Variants in PPIP5K1 observed in about 807,000 individuals in gnomAD.
PPIP5K1 encodes diphosphoinositol pentakisphosphate kinase 1, also known as inositol hexakisphosphate and diphosphoinositol-pentakisphosphate kinase 1.
In PPIP5K1, 6 loss-of-function variants were observed where a neutral mutation model predicts 27.7. That is an observed-to-expected ratio of 0.22 (90% CI 0.12 to 0.43). PPIP5K1 has a LOEUF of 0.43. Ranked by LOEUF, PPIP5K1 falls within the 20% of genes least tolerant of loss-of-function variation. PPIP5K1 has a pLI of 1.00. For missense variants in PPIP5K1, 394 were observed against 635.4 expected, an observed-to-expected ratio of 0.62 and a Z score of 4.08; for synonymous variants, 145 against 242.6, an observed-to-expected ratio of 0.60 and a Z score of 3.74.
rs928091281 is a variant in PPIP5K1 at position 43,550,067 on chromosome 15, A to T, written c.3556+8728T>A. ...ATGATCCTCCCGCCTTAGCCTCTCA[A>T]AGTGCCAGGATTACAGGTACAAGCC... On this transcript the variant is annotated intron_variant, in intron 30 of 31. Transcript: ENST00000420765. Among the ~76,000 whole-genome samples the T allele has an allele frequency of 2.6e-5, 4 of 152,176 alleles. 1 individual carries two copies. The highest frequency in any genetic ancestry group is 9.6e-5 in the African/African-American group (4 of 41,456).
intron 30 of PPIP5K1, among the ~76,000 whole-genome samples, chr15:43,545,474 CTTT>C (rs56710390): frequency 4.2e-5 from 5 of 119,064 alleles, no homozygotes; most frequent in Non-Finnish European, 5.4e-5. Flanking sequence ...CTGTACACTT[CTTT>C]TTTTTTTTTT....
At position 43,558,833 on chromosome 15, in the gene PPIP5K1, C is replaced by T. The variant is rs747329824; in HGVS notation, c.3518G>A (p.Cys1173Tyr). 1.9e-6 allele frequency: 3 copies of T among 1,613,962 alleles called. No homozygotes were observed. The African/African-American group carries it at 4.0e-5, about 22-fold the overall frequency. The change falls in exon 30 of 32, where the codon TGC becomes TAC. Residue 1173 changes from cysteine to tyrosine, a missense_variant. Transcript: ENST00000420765. The stretch of plus-strand genomic sequence containing the variant: ...TGCCTGGGCATCAGTGTGGCGCTGG[C>T]AGACTCTACTCAAGAATTCACTCAC... ...RQVSEFLSRV[C>Y]QRHTDAQAQA...
At position 43,533,668 on chromosome 15, in the gene PPIP5K1, A is replaced by AGG. The variant is rs2079505799; in HGVS notation, c.*1005_*1006insCC. 1 of 152,518 alleles carries AGG rather than the reference A, an allele frequency of 6.6e-6. No homozygotes were observed. Among genetic ancestry groups the AGG allele is most frequent in the African/African-American group, 2.4e-5 (1 of 41,414 alleles). The allele number at this position is 152,518 out of a possible 1,614,324, so 9.4% of individuals were successfully genotyped here. On this transcript the variant is annotated 3_prime_UTR_variant, in exon 32 of 32. Coordinates refer to ENST00000420765, the MANE Select transcript of PPIP5K1 (RefSeq NM_001394395.1). ...ACCCTGCAGTGTTTGGTCTTTGGCCAGTCTGTCCCTGGCACAACTACAGAA... is the reference window on the plus strand; with the variant it reads ...ACCCTGCAGTGTTTGGTCTTTGGCCAGGGTCTGTCCCTGGCACAACTACAGAA...
At chr15:43,550,124 TG>T (rs2082008512) in intron 30 of PPIP5K1, among the ~76,000 whole-genome samples, 2 of 151,994 alleles carry the variant, frequency 1.3e-5, no homozygotes, top group African/African-American at 2.4e-5. Context: ...TTTTGTGAGT[TG>T]ATCTTTCTTT....
chr15:43,552,590 T>A (rs1303448639), intron 30 of PPIP5K1, among the ~76,000 whole-genome samples: 3 of 148,506 alleles, frequency 2.0e-5, no homozygotes, highest in Non-Finnish European at 4.5e-5. Flanking sequence ...TGTGGTGGTG[T>A]GTGCCTGTAG....
intron 30 of PPIP5K1, among the ~76,000 whole-genome samples, chr15:43,557,217 G>C (rs1258729357): frequency 6.6e-6 from 1 of 152,090 alleles, no homozygotes; most frequent in Admixed American, 6.5e-5. Flanking sequence ...AACCCAAGGG[G>C]GGGTGGATCA....
At chr15:43,559,069 G>A (rs1249976023) in intron 29 of PPIP5K1, 137 bp from the exon 30 acceptor site, 8 of 994,446 alleles carry the variant, frequency 8.0e-6, no homozygotes, top group South Asian at 3.1e-5. Context: ...AAGACTCTTA[G>A]GAGAGGGAAC....
chr15:43,586,706 GATAATA>G (rs139100270), intron 1 of PPIP5K1, among the ~76,000 whole-genome samples: 28 of 96,436 alleles, frequency 2.9e-4, no homozygotes, highest in East Asian at 6.2e-4. Flanking sequence ...AAATAATGAT[GATAATA>G]ATAATAATAA....
intron 30 of PPIP5K1, among the ~76,000 whole-genome samples, chr15:43,546,902 G>A (rs551180323): frequency 1.7e-4 from 26 of 151,424 alleles, no homozygotes; most frequent in Admixed American, 3.3e-4. Flanking sequence ...CAAGTGATCC[G>A]CCCACCTTGG....
At chr15:43,556,668 T>C (rs1325197034) in intron 30 of PPIP5K1, among the ~76,000 whole-genome samples, 2 of 152,142 alleles carry the variant, frequency 1.3e-5, no homozygotes, top group East Asian at 3.8e-4. Context: ...GCAAAACAAA[T>C]GTAGGCACTT....
chr15:43,550,318 AT>A (rs972290517), intron 30 of PPIP5K1, among the ~76,000 whole-genome samples: 3 of 151,152 alleles, frequency 2.0e-5, no homozygotes, highest in Admixed American at 6.6e-5. Flanking sequence ...TTATTTATTT[AT>A]TTTTTTTGTA....
At chr15:43,551,724 T>C (rs1375554663) in intron 30 of PPIP5K1, among the ~76,000 whole-genome samples, 1 of 141,560 alleles carries the variant, frequency 7.1e-6, no homozygotes, top group Non-Finnish European at 1.5e-5. Context: ...TGCCTCAGCC[T>C]CCCAAGTAGC....
chr15:43,556,592 C>T (rs2082989589), intron 30 of PPIP5K1, among the ~76,000 whole-genome samples: 1 of 151,754 alleles, frequency 6.6e-6, no homozygotes, highest in Non-Finnish European at 1.5e-5. Flanking sequence ...GTTCATTTGC[C>T]TTACAATGTT....
At chr15:43,580,648 G>T (rs2084942212) in intron 10 of PPIP5K1, among the ~76,000 whole-genome samples, 1 of 107,478 alleles carries the variant, frequency 9.3e-6, no homozygotes, top group Non-Finnish European at 1.7e-5. Context: ...AGGCTGGAGT[G>T]CAATGGCACT....
chr15:43,552,853 GCCAACA>G (rs2082405278), intron 30 of PPIP5K1, among the ~76,000 whole-genome samples: 1 of 152,104 alleles, frequency 6.6e-6, no homozygotes, highest in African/African-American at 2.4e-5. Context: ...GACCAGCCTG[GCCAACA>G]TGGTGAAACC....
At chr15:43,579,433 C>A (rs1171650660) in intron 10 of PPIP5K1, among the ~76,000 whole-genome samples, 1 of 104,196 alleles carries the variant, frequency 9.6e-6, no homozygotes, top group Non-Finnish European at 1.7e-5. Flanking sequence ...CGTATGTGTA[C>A]ATACACACAC....
intron 31 of PPIP5K1, among the ~76,000 whole-genome samples, chr15:43,536,587 T>G (rs2079897035): frequency 6.6e-6 from 1 of 152,204 alleles, no homozygotes; most frequent in Non-Finnish European, 1.5e-5. Flanking sequence ...TCTTTACATG[T>G]GATTCCTGAA....
At chr15:43,558,228 T>C (rs1018218629) in intron 30 of PPIP5K1, among the ~76,000 whole-genome samples, 1 of 137,270 alleles carries the variant, frequency 7.3e-6, no homozygotes, top group Non-Finnish European at 1.5e-5. Flanking sequence ...AGCTAATGTT[T>C]GTATTTTTTT....
chr15:43,549,478 T>C (rs2081925992), intron 30 of PPIP5K1, among the ~76,000 whole-genome samples: 1 of 149,784 alleles, frequency 6.7e-6, no homozygotes, highest in African/African-American at 2.5e-5. Flanking sequence ...CTAGGCAATA[T>C]GGCAATACCA....
Sources: allele counts gnomAD v4.1 joint callset (sites outside exome capture counted in the v4.1 genomes callset), GRCh38; gene constraint gnomAD v4.1.1; transcripts MANE v1.5; gene names NCBI Gene and HGNC (gene_info 2026-07-23, HGNC 2026-07-21).